Variants in NRXN1 observed in about 807,000 individuals in gnomAD.
NRXN1 encodes the protein neurexin 1, also known as neurexin-1.
A neutral mutation model predicts 150.9 loss-of-function variants in NRXN1; 39 were observed. That is an observed-to-expected ratio of 0.26 (90% CI 0.20 to 0.34). The LOEUF (loss-of-function observed/expected upper bound fraction) is 0.34, where lower values mean the gene tolerates loss of function less well. Among genes scored for constraint, NRXN1 ranks in the 10% least tolerant of loss-of-function variants. NRXN1 has a pLI of 1.00. For missense variants in NRXN1, 1,815 were observed against 1,949.9 expected (o/e 0.93, Z 1.30); for synonymous variants, 924 against 757.0 (o/e 1.22, Z -3.62).
chr2:50,069,853 T>TG (rs1553557563), intron 19 of NRXN1, among the ~76,000 whole-genome samples: 4 of 73,422 alleles, frequency 5.4e-5, no homozygotes, highest in African/African-American at 1.6e-4. Flanking sequence ...GGGGGTTTTT[T>TG]TTTTTTTTTT....
chr2:49,946,337 G>A (rs930703461), intron 21 of NRXN1, among the ~76,000 whole-genome samples: 1 of 152,078 alleles, frequency 6.6e-6, no homozygotes, highest in Admixed American at 6.5e-5. Context: ...TCTGTAGGTT[G>A]CCTGTCCATT....
chr2:50,801,430 G>C (rs1707577616), intron 5 of NRXN1, among the ~76,000 whole-genome samples: 1 of 152,096 alleles, frequency 6.6e-6, no homozygotes, highest in South Asian at 2.1e-4. Flanking sequence ...CAGACTCTGT[G>C]AATATCTCTT....
At chr2:50,051,937 A>T (rs1692777870) in intron 21 of NRXN1, among the ~76,000 whole-genome samples, 1 of 152,072 alleles carries the variant, frequency 6.6e-6, no homozygotes, top group Non-Finnish European at 1.5e-5. Flanking sequence ...AAATGAAAAT[A>T]AGTGCACATG....
At chr2:50,165,652 C>G (rs534583723) in intron 18 of NRXN1, among the ~76,000 whole-genome samples, 1 of 152,122 alleles carries the variant, frequency 6.6e-6, no homozygotes, top group East Asian at 1.9e-4. Context: ...CGCGCCCAGC[C>G]AGCACTGTCA....
At chr2:51,030,496 T>A (rs563232203) in intron 1 of NRXN1, among the ~76,000 whole-genome samples, 13 of 150,110 alleles carry the variant, frequency 8.7e-5, no homozygotes. Context: ...CACTTCAAGT[T>A]CCTCCCAGAT....
At chr2:50,277,218 C>T (rs1195285767) in intron 17 of NRXN1, among the ~76,000 whole-genome samples, 1 of 152,056 alleles carries the variant, frequency 6.6e-6, no homozygotes, top group African/African-American at 2.4e-5. Flanking sequence ...ACAACAGTCG[C>T]CTGTTAAGAA....
At chr2:50,673,179 A>G (rs936632121) in intron 5 of NRXN1, among the ~76,000 whole-genome samples, 7 of 152,090 alleles carry the variant, frequency 4.6e-5, no homozygotes, top group Admixed American at 2.0e-4. Flanking sequence ...CTCTAAGGAT[A>G]TATGTGTAAA....
rs199550097 is a variant in NRXN1, at chr2:50,538,647, G to C, written c.1760-11C>G. The C allele has an allele frequency of 8.2e-5, 121 of 1,475,010 alleles. 2 individuals carry two copies. The South Asian group carries it at 1.8e-3, about 22-fold the overall frequency. The allele number at this position is 1,475,010 out of a possible 1,614,324, so 91.4% of individuals were successfully genotyped here. Reference sequence around the variant, plus strand: ...TGACAGAAATGGTACCTATTTCAAAGAGAGGAGAATGCACAGGTCTTTAAA... The same window carrying C: ...TGACAGAAATGGTACCTATTTCAAACAGAGGAGAATGCACAGGTCTTTAAA... On this transcript the variant is annotated splice_polypyrimidine_tract_variant and intron_variant, in intron 9 of 22. Transcript: ENST00000401669.
intron 8 of NRXN1, among the ~76,000 whole-genome samples, chr2:50,573,431 G>A (rs1670950127): frequency 6.6e-6 from 1 of 151,966 alleles, no homozygotes; most frequent in African/African-American, 2.4e-5. Context: ...GAAGGACCTG[G>A]ATGGGAAAAC....
chr2:50,749,665 A>G (rs2105322076), intron 5 of NRXN1, among the ~76,000 whole-genome samples: 1 of 152,252 alleles, frequency 6.6e-6, no homozygotes, highest in Non-Finnish European at 1.5e-5. Flanking sequence ...TTTTTCAGAT[A>G]AATAACTGTT....
rs568024406 is a variant in NRXN1 at position 50,317,293 on chromosome 2, A to G, written c.3365-80323T>C. On this transcript the variant is annotated intron_variant, in intron 17 of 22. Coordinates refer to ENST00000401669, the MANE Select transcript of NRXN1 (RefSeq NM_001330078.2). ...TGAATCCAAAGCAAGAATAATAAAA[A>G]GAAACCCTTACCAAGACAGACAGAC... Among the ~76,000 whole-genome samples, 45 of 152,104 alleles carry G rather than the reference A, an allele frequency of 3.0e-4. 1 individual carries two copies. Among genetic ancestry groups the G allele is most frequent in the African/African-American group, 9.1e-4 (38 of 41,540 alleles).
At chr2:49,972,948 C>T (rs1412806263) in intron 21 of NRXN1, 1 of 152,476 alleles carries the variant, frequency 6.6e-6, no homozygotes, top group Non-Finnish European at 1.5e-5. Flanking sequence ...CCACTCACTC[C>T]AAGCATGCCA....
intron 18 of NRXN1, chr2:50,207,808 T>G (rs2062722381): frequency 6.2e-6 from 1 of 162,416 alleles, no homozygotes; most frequent in Non-Finnish European, 1.5e-5. Context: ...CTTAATATCT[T>G]GGCCCAAAGT....
intron 18 of NRXN1, among the ~76,000 whole-genome samples, chr2:50,158,687 T>C (rs1574233276): frequency 6.6e-6 from 1 of 152,240 alleles, no homozygotes; most frequent in East Asian, 1.9e-4. Context: ...CTGTATCTTG[T>C]TGCATGATAG....
rs1373046450 is a variant in NRXN1 at position 51,027,640 on chromosome 2, C to T, written c.634G>A (p.Gly212Ser). 5.0e-6 allele frequency: 8 copies of T among 1,598,216 alleles called. No individual in the cohort carries two copies. The highest frequency in any genetic ancestry group is 1.7e-4 in the Middle Eastern group (1 of 6,044). ...VKLDDEPPNS[G>S]GGSPCEAGEE... ...CCCGCCTCGCACGGGCTTCCCCCGC[C>T]GCTGTTGGGCGGCTCATCGTCCAGC... Residue 212 changes from glycine to serine, a missense_variant, in exon 2 of 23, where the codon GGC becomes AGC. Physicochemically the swap from Gly to Ser is moderately conservative, Grantham distance 56. This residue lies in a region of NRXN1 where 554 missense variants were observed against 478.8 expected (regional missense o/e 1.16). Transcript: ENST00000401669.
chr2:50,849,475 C>G (rs776621407), intron 5 of NRXN1, among the ~76,000 whole-genome samples: 1 of 152,170 alleles, frequency 6.6e-6, no homozygotes, highest in Non-Finnish European at 1.5e-5. Context: ...AGAGCCTAAC[C>G]TCTACAAGCA....
rs1691589724 is a variant in NRXN1, at chr2:50,688,522, A to T, written c.833-64907T>A. ...GAGTGGTGCAGGACTGGGTGGGTAG[A>T]AGAAATTGATTTGTTTTGCCTGCCC... On this transcript the variant is annotated intron_variant, in intron 5 of 22. Coordinates refer to ENST00000401669, the MANE Select transcript of NRXN1 (RefSeq NM_001330078.2). 2.0e-5 allele frequency among the ~76,000 whole-genome samples: 3 copies of T among 152,128 alleles called. No individual in the cohort carries two copies. The South Asian group carries it at 6.2e-4, about 32-fold the overall frequency.
intron 5 of NRXN1, among the ~76,000 whole-genome samples, chr2:50,694,804 A>T (rs2104908394): frequency 6.6e-6 from 1 of 152,326 alleles, no homozygotes; most frequent in South Asian, 2.1e-4. Context: ...CTGGAACAAA[A>T]GTAATCATTA....
intron 5 of NRXN1, among the ~76,000 whole-genome samples, chr2:50,760,188 G>C (rs909265571): frequency 2.0e-5 from 3 of 151,832 alleles, no homozygotes; most frequent in Admixed American, 6.6e-5. Flanking sequence ...TATTCCACTG[G>C]GAGCTTGGAA....
Sources: allele counts gnomAD v4.1 joint callset (sites outside exome capture counted in the v4.1 genomes callset), GRCh38; gene constraint gnomAD v4.1.1; regional missense constraint gnomAD v4.1.1; transcripts MANE v1.5; gene names NCBI Gene and HGNC (gene_info 2026-07-23, HGNC 2026-07-21).